Variants in DGKB observed in about 807,000 individuals in gnomAD.
DGKB encodes 90 kDa diacylglycerol kinase.
Under a neutral mutation model 114.3 loss-of-function variants are expected in DGKB, and 67 were observed. The observed-to-expected ratio is 0.59, with a 90% CI of 0.48 to 0.72. The LOEUF (loss-of-function observed/expected upper bound fraction) is 0.72. DGKB is among the 30% of genes least tolerant of loss of function. The pLI, the probability that DGKB is intolerant of heterozygous loss-of-function variation, is 0.00. For missense variants in DGKB, 907 were observed against 975.2 expected (o/e 0.93, Z 0.93); for synonymous variants, 398 against 323.1 (o/e 1.23, Z -2.49).
intron 21 of DGKB, among the ~76,000 whole-genome samples, chr7:14,466,058 C>T (rs936697400): frequency 6.6e-6 from 1 of 152,138 alleles, no homozygotes; most frequent in African/African-American, 2.4e-5. Context: ...AAATCCTAAA[C>T]ATTTCAAGTG....
At chr7:14,461,827 C>G (rs1013938927) in intron 21 of DGKB, among the ~76,000 whole-genome samples, 3 of 152,112 alleles carry the variant, frequency 2.0e-5, no homozygotes, top group Admixed American at 2.0e-4. Context: ...GGCCAATATC[C>G]CTGATGAACA....
intron 21 of DGKB, among the ~76,000 whole-genome samples, chr7:14,347,847 T>C (rs1043140216): frequency 3.9e-5 from 6 of 152,094 alleles, no homozygotes; most frequent in African/African-American, 1.4e-4. Context: ...TATTTCACAA[T>C]ATATGAAAAC....
intron 12 of DGKB, among the ~76,000 whole-genome samples, chr7:14,681,507 T>C (rs1820832118): frequency 6.6e-6 from 1 of 151,730 alleles, no homozygotes; most frequent in African/African-American, 2.4e-5. Flanking sequence ...AGCCCTGGGT[T>C]GAGGGTGGGG....
intron 1 of DGKB, among the ~76,000 whole-genome samples, chr7:14,922,372 C>T: frequency 9.5e-6 from 1 of 105,548 alleles, no homozygotes; most frequent in Non-Finnish European, 1.8e-5. Flanking sequence ...TATGTGTATC[C>T]ATCGTGTGTG....
intron 2 of DGKB, among the ~76,000 whole-genome samples, chr7:14,778,044 GAATT>G (rs1214799854): frequency 2.0e-5 from 3 of 152,114 alleles, no homozygotes; most frequent in African/African-American, 2.4e-5. Flanking sequence ...ATATCACCGT[GAATT>G]AATTAAAGAG....
At chr7:14,217,241 A>G (rs1789132167) in intron 23 of DGKB, among the ~76,000 whole-genome samples, 1 of 152,156 alleles carries the variant, frequency 6.6e-6, no homozygotes, top group African/African-American at 2.4e-5. Flanking sequence ...AGTTTTATCT[A>G]TAAGTAATAT....
Position 14,348,564 on chromosome 7 carries a change from A to G in DGKB, c.1836-3173T>C, listed in dbSNP as rs534289970. ...AAATACAAGTTAAAACCACAATGAG[A>G]TATCACCCCACACTTAACAGAATGA... On this transcript the variant is annotated intron_variant, in intron 21 of 25. Coordinates refer to ENST00000402815, the MANE Select transcript of DGKB (RefSeq NM_001350709.2). 4.3e-4 allele frequency among the ~76,000 whole-genome samples: 65 copies of G among 152,098 alleles called. 1 individual carries two copies. Among genetic ancestry groups the G allele is most frequent in the Admixed American group, 3.2e-3 (49 of 15,224 alleles).
At chr7:14,920,924 T>C (rs1275402482) in intron 1 of DGKB, among the ~76,000 whole-genome samples, 1 of 151,532 alleles carries the variant, frequency 6.6e-6, no homozygotes, top group African/African-American at 2.5e-5. Context: ...TCTTTTTAAA[T>C]TAATTTTTTT....
At chr7:14,780,265 C>T (rs558861642) in intron 2 of DGKB, among the ~76,000 whole-genome samples, 1 of 152,274 alleles carries the variant, frequency 6.6e-6, no homozygotes, top group East Asian at 1.9e-4. Context: ...CCAGCTGACT[C>T]TTTTGTGCAG....
At chr7:14,499,461 C>A (rs1785795414) in intron 20 of DGKB, among the ~76,000 whole-genome samples, 2 of 151,706 alleles carry the variant, frequency 1.3e-5, no homozygotes, top group East Asian at 1.9e-4. Flanking sequence ...TTGGCTATCA[C>A]CCCCGAAAGA....
At chr7:14,323,520 GCTTCT>G (rs1188005396) in intron 23 of DGKB, among the ~76,000 whole-genome samples, 1 of 152,166 alleles carries the variant, frequency 6.6e-6, no homozygotes, top group Non-Finnish European at 1.5e-5. Context: ...ATCAGAGAAA[GCTTCT>G]CTTAAGAGAG....
chr7:14,407,352 A>G (rs7790565), intron 21 of DGKB, among the ~76,000 whole-genome samples: 113,913 of 151,674 alleles, frequency 0.75, 43,363 homozygotes, highest in Middle Eastern at 0.83. Context: ...TTCCAATAAC[A>G]TTGTGTCTCG....
At chr7:14,943,117 T>C (rs1338780496) in intron 1 of DGKB, among the ~76,000 whole-genome samples, 1 of 151,996 alleles carries the variant, frequency 6.6e-6, no homozygotes, top group Non-Finnish European at 1.5e-5. Context: ...TTTTATATTC[T>C]ATATGGAAAA....
At chr7:14,636,069 C>A (rs1810700188) in intron 13 of DGKB, among the ~76,000 whole-genome samples, 1 of 151,672 alleles carries the variant, frequency 6.6e-6, no homozygotes, top group Non-Finnish European at 1.5e-5. Context: ...TCTTTTGCTC[C>A]TTTAAATATC....
chr7:14,372,993 A>G (rs1817916757), intron 21 of DGKB, among the ~76,000 whole-genome samples: 1 of 152,146 alleles, frequency 6.6e-6, no homozygotes, highest in Non-Finnish European at 1.5e-5. Flanking sequence ...TAAGGCCACA[A>G]CTCTACGTTT....
intron 20 of DGKB, among the ~76,000 whole-genome samples, chr7:14,547,484 A>G (rs916863854): frequency 1.3e-5 from 2 of 152,198 alleles, no homozygotes; most frequent in Non-Finnish European, 2.9e-5. Flanking sequence ...ATAATACCTT[A>G]CATATATAAT....
intron 2 of DGKB, among the ~76,000 whole-genome samples, chr7:14,803,132 G>A (rs1052527240): frequency 6.6e-6 from 1 of 151,648 alleles, no homozygotes; most frequent in East Asian, 1.9e-4. Context: ...TTTAGAGACA[G>A]GATCTTATTA....
At chr7:14,755,854 G>A (rs1004572471) in intron 3 of DGKB, among the ~76,000 whole-genome samples, 13 of 152,086 alleles carry the variant, frequency 8.5e-5, no homozygotes, top group African/African-American at 2.9e-4. Context: ...TCTTAATTTA[G>A]AATTGTTCTT....
intron 21 of DGKB, among the ~76,000 whole-genome samples, chr7:14,416,220 T>C (rs1825710639): frequency 6.6e-6 from 1 of 152,088 alleles, no homozygotes; most frequent in Admixed American, 6.6e-5. Flanking sequence ...ATTCTGTAGG[T>C]TGCATATATT....
Sources: allele counts gnomAD v4.1 joint callset (sites outside exome capture counted in the v4.1 genomes callset), GRCh38; gene constraint gnomAD v4.1.1; transcripts MANE v1.5; gene names NCBI Gene and HGNC (gene_info 2026-07-23, HGNC 2026-07-21).